GABRB2: variants seen among roughly 807,000 people sequenced by gnomAD.
GABRB2 encodes gamma-aminobutyric acid receptor subunit beta-2.
Under a neutral mutation model 54.7 loss-of-function variants are expected in GABRB2, and 16 were observed. That is an observed-to-expected ratio of 0.29 (90% CI 0.20 to 0.44). The LOEUF (loss-of-function observed/expected upper bound fraction) is 0.44, where lower values mean the gene tolerates loss of function less well. Among genes scored for constraint, GABRB2 ranks in the 20% least tolerant of loss-of-function variants. The pLI is 1.00. For synonymous variants in GABRB2, 244 were observed against 233.8 expected (o/e 1.04, Z -0.40); for missense variants, 355 against 644.0 (o/e 0.55, Z 4.86).
intron 5 of GABRB2, among the ~76,000 whole-genome samples, chr5:161,354,512 G>A (rs1465277671): frequency 2.6e-5 from 4 of 151,880 alleles, no homozygotes; most frequent in African/African-American, 7.2e-5. Context: ...TATATTCATC[G>A]AATTCTCCTT....
At chr5:161,507,247 G>GA (rs1230606848) in intron 3 of GABRB2, among the ~76,000 whole-genome samples, 5 of 151,334 alleles carry the variant, frequency 3.3e-5, no homozygotes, top group Admixed American at 6.6e-5. Flanking sequence ...TCCTGGAACA[G>GA]AAAAAAAATG....
intron 3 of GABRB2, among the ~76,000 whole-genome samples, chr5:161,479,182 T>A (rs1561665154): frequency 6.6e-6 from 1 of 152,072 alleles, no homozygotes; most frequent in African/African-American, 2.4e-5. Context: ...CAATGTTTTT[T>A]AAAAAATTGA....
chr5:161,536,704 C>G (rs530383060), intron 3 of GABRB2, among the ~76,000 whole-genome samples: 9 of 152,308 alleles, frequency 5.9e-5, no homozygotes, highest in African/African-American at 2.2e-4. Flanking sequence ...TCAAGCAATT[C>G]TCCCTGCCTC....
At chr5:161,513,951 C>T (rs1166425948) in intron 3 of GABRB2, among the ~76,000 whole-genome samples, 2 of 152,074 alleles carry the variant, frequency 1.3e-5, no homozygotes, top group Non-Finnish European at 2.9e-5. Context: ...AATTTAGCTT[C>T]CTCATCATTC....
chr5:161,451,508 A>T (rs1757786181), intron 4 of GABRB2, among the ~76,000 whole-genome samples: 1 of 152,192 alleles, frequency 6.6e-6, no homozygotes. Flanking sequence ...ACAACAAGAC[A>T]ACTATAAGAT....
chr5:161,466,342 A>T (rs1758275312), intron 3 of GABRB2, among the ~76,000 whole-genome samples: 1 of 152,094 alleles, frequency 6.6e-6, no homozygotes, highest in East Asian at 1.9e-4. Flanking sequence ...TAATAAACAA[A>T]TATCTTTGGT....
chr5:161,509,256 T>C (rs188775581), intron 3 of GABRB2, among the ~76,000 whole-genome samples: 1 of 152,050 alleles, frequency 6.6e-6, no homozygotes, highest in Non-Finnish European at 1.5e-5. Context: ...TTTCCATCTA[T>C]GACAATATTT....
At chr5:161,323,937 C>T (rs1758290544) in intron 9 of GABRB2, among the ~76,000 whole-genome samples, 1 of 152,110 alleles carries the variant, frequency 6.6e-6, no homozygotes, top group Non-Finnish European at 1.5e-5. Context: ...CCTAGCAAAT[C>T]CATTTTAAGA....
chr5:161,365,457 C>T (rs1378192586), intron 5 of GABRB2, among the ~76,000 whole-genome samples: 3 of 152,034 alleles, frequency 2.0e-5, no homozygotes, highest in Non-Finnish European at 2.9e-5. Context: ...TTTATATTGA[C>T]ACATAATTTC....
intron 4 of GABRB2, among the ~76,000 whole-genome samples, chr5:161,442,480 C>A (rs1212380679): frequency 6.6e-6 from 1 of 152,202 alleles, no homozygotes; most frequent in African/African-American, 2.4e-5. Flanking sequence ...TTAATGGAAA[C>A]CAAACCATGC....
chr5:161,445,575 CTT>C (rs1482586395), intron 4 of GABRB2, among the ~76,000 whole-genome samples: 1 of 152,054 alleles, frequency 6.6e-6, no homozygotes, highest in Non-Finnish European at 1.5e-5. Flanking sequence ...AGAAGAGACT[CTT>C]TAAGTCTGAT....
chr5:161,340,157 G>A (rs764208119), intron 5 of GABRB2, among the ~76,000 whole-genome samples: 6 of 151,954 alleles, frequency 3.9e-5, no homozygotes, highest in Non-Finnish European at 5.9e-5. Context: ...TCTGTAGGCA[G>A]AGGAATGCGA....
chr5:161,350,555 A>G (rs971919526), intron 5 of GABRB2, among the ~76,000 whole-genome samples: 1 of 152,164 alleles, frequency 6.6e-6, no homozygotes, highest in Admixed American at 6.6e-5. Context: ...AAATGAAAAG[A>G]TAGCACATTT....
At chr5:161,394,337 G>C (rs928859218) in intron 5 of GABRB2, among the ~76,000 whole-genome samples, 2 of 151,630 alleles carry the variant, frequency 1.3e-5, no homozygotes, top group Non-Finnish European at 2.9e-5. Context: ...AAATACAAAG[G>C]AAGTGCAGGA....
intron 5 of GABRB2, among the ~76,000 whole-genome samples, chr5:161,363,731 A>G (rs1383179342): frequency 6.6e-6 from 1 of 152,108 alleles, no homozygotes; most frequent in Admixed American, 6.6e-5. Context: ...TTAGGGTTAG[A>G]AAGCAATCAT....
At chr5:161,310,014 G>C (rs1464107895) in intron 9 of GABRB2, among the ~76,000 whole-genome samples, 1 of 152,170 alleles carries the variant, frequency 6.6e-6, no homozygotes. Flanking sequence ...CCTTTGCAGG[G>C]ACATGGATGG....
intron 4 of GABRB2, among the ~76,000 whole-genome samples, chr5:161,440,265 G>A (rs1757430898): frequency 6.6e-6 from 1 of 151,942 alleles, no homozygotes; most frequent in African/African-American, 2.4e-5. Context: ...GAATGTAAAT[G>A]GATTAAACTC....
intron 5 of GABRB2, among the ~76,000 whole-genome samples, chr5:161,376,443 T>A (rs540754951): frequency 1.3e-5 from 2 of 152,052 alleles, no homozygotes; most frequent in South Asian, 4.2e-4. Context: ...AAGTGGAAAA[T>A]GAAGCCCACA....
chr5:161,436,102 T>G (rs1757298612), intron 4 of GABRB2, among the ~76,000 whole-genome samples: 1 of 152,230 alleles, frequency 6.6e-6, no homozygotes, highest in Admixed American at 6.5e-5. Flanking sequence ...TCTGTGTGAC[T>G]TTAGGAACAT....
Sources: gnomAD v4.1 joint callset for allele counts (sites outside exome capture counted in the v4.1 genomes callset) on GRCh38, gnomAD v4.1.1 for gene constraint, MANE v1.5 for transcripts, NCBI Gene and HGNC (gene_info 2026-07-23, HGNC 2026-07-21) for gene names.